Variants in ODAD1 observed in about 807,000 individuals in gnomAD.
ODAD1 encodes the protein outer dynein arm-docking complex subunit 1.
In ODAD1, 49 loss-of-function variants were observed where a neutral mutation model predicts 67.2. The observed-to-expected ratio is 0.73, with a 90% CI of 0.58 to 0.92. ODAD1 has a LOEUF of 0.92. Among genes scored for constraint, ODAD1 ranks in the 40% least tolerant of loss-of-function variants. The pLI is 0.00. For missense variants in ODAD1, 897 were observed against 953.7 expected, an observed-to-expected ratio of 0.94 and a Z score of 0.78; for synonymous variants, 345 against 393.7, an observed-to-expected ratio of 0.88 and a Z score of 1.46.
chr19:48,320,590 T>C (rs895933298), intron 2 of ODAD1, among the ~76,000 whole-genome samples, 182 bp downstream of exon 2: 3 of 152,286 alleles, frequency 2.0e-5, no homozygotes, highest in African/African-American at 7.2e-5. Flanking sequence ...CCTCTCACAC[T>C]CTGGGTCTTG....
chr19:48,317,550 T>C (rs189047034), intron 5 of ODAD1, among the ~76,000 whole-genome samples: 1 of 152,320 alleles, frequency 6.6e-6, no homozygotes, highest in African/African-American at 2.4e-5. Context: ...TTTTGGGGAC[T>C]CTAACATGCG....
rs554590581 is a variant in ODAD1 at position 48,307,570 on chromosome 19, C to T, written c.598-1247G>A. On this transcript the variant is annotated intron_variant, in intron 7 of 15. Transcript: ENST00000674294. ...GTGGTTCACGCCTGTAATCCCAGCA[C>T]TGTGGGAGGCCGAGGTGGGCGGATC... Among the ~76,000 whole-genome samples the T allele has an allele frequency of 2.0e-5, 3 of 152,304 alleles. 1 individual carries two copies. The South Asian group carries it at 6.2e-4, about 32-fold the overall frequency.
At chr19:48,307,631 C>A (rs987825319) in intron 7 of ODAD1, among the ~76,000 whole-genome samples, 1 of 151,762 alleles carries the variant, frequency 6.6e-6, no homozygotes, top group Non-Finnish European at 1.5e-5. Flanking sequence ...CTGGCTAACA[C>A]GGCAAAACCC....
chr19:48,311,441 C>G, intron 7 of ODAD1, 112 bp downstream of exon 7: 1 of 668,130 alleles, frequency 1.5e-6, no homozygotes, highest in South Asian at 1.7e-5. Context: ...GCCTACCGCT[C>G]TAGTCAATCC....
intron 7 of ODAD1, among the ~76,000 whole-genome samples, chr19:48,307,189 G>GAAAA (rs550722862): frequency 8.4e-6 from 1 of 119,424 alleles, no homozygotes; most frequent in Non-Finnish European, 1.8e-5. Flanking sequence ...CATCTCAAAA[G>GAAAA]AAAAAAAAAA....
intron 3 of ODAD1, chr19:48,319,423 A>G: frequency 4.1e-6 from 4 of 985,816 alleles, no homozygotes; most frequent in Non-Finnish European, 4.8e-6. Context: ...AAGTGACCTG[A>G]CCTTACCCAC....
chr19:48,300,656 T>G (rs1170595853), intron 12 of ODAD1, among the ~76,000 whole-genome samples: 4 of 152,122 alleles, frequency 2.6e-5, no homozygotes, highest in Non-Finnish European at 5.9e-5. Flanking sequence ...AAGAACTCCT[T>G]CAACTCAGTT....
intron 12 of ODAD1, among the ~76,000 whole-genome samples, chr19:48,301,777 A>G (rs1968468988): frequency 6.6e-6 from 1 of 151,042 alleles, no homozygotes; most frequent in African/African-American, 2.4e-5. Flanking sequence ...TAGACCCTGC[A>G]TGGATGGATG....
chr19:48,311,709 G>T, intron 6 of ODAD1, 43 bp from the exon 7 acceptor site: 2 of 1,197,238 alleles, frequency 1.7e-6, no homozygotes, highest in Non-Finnish European at 2.4e-6. Flanking sequence ...CTGAAGCCAA[G>T]TCTGCCTGCC....
chr19:48,302,753 G>A lies in ODAD1; in HGVS notation c.1181C>T (p.Ala394Val). ...CTGGAAGCGGGCCTCAAGGCGCTCAGCCTCCGAGTGCACCTTGTCCATGCG... is the reference window on the plus strand; with the variant it reads ...CTGGAAGCGGGCCTCAAGGCGCTCAACCTCCGAGTGCACCTTGTCCATGCG... ...QQRMDKVHSE[A>V]ERLEARFQDV... Residue 394 changes from alanine to valine, a missense_variant, in exon 12 of 16, where the codon GCT becomes GTT. Coordinates refer to ENST00000674294, the MANE Select transcript of ODAD1 (RefSeq NM_001364171.2). 1 of 1,613,580 alleles carries A rather than the reference G, an allele frequency of 6.2e-7. No homozygotes were observed. Among genetic ancestry groups the A allele is most frequent in the Non-Finnish European group, 8.5e-7 (1 of 1,180,030 alleles).
chr19:48,312,057 G>T lies in ODAD1; in HGVS notation c.420C>A (p.Phe140Leu). 3 of 1,549,064 alleles carry T rather than the reference G, an allele frequency of 1.9e-6. No homozygotes were observed. The highest frequency in any genetic ancestry group is 2.6e-6 in the Non-Finnish European group (3 of 1,144,298). ...TGATCTTGACCTTCTGATCCAGGATGAATCCCGGGGACCTGACATTCTTAC... is the reference window on the plus strand; with the variant it reads ...TGATCTTGACCTTCTGATCCAGGATTAATCCCGGGGACCTGACATTCTTAC... ...THSKNVRSPG[F>L]ILDQKVKIRR... The change falls in exon 6 of 16, where the codon TTC (phenylalanine) becomes TTA (leucine). Residue 140 changes from phenylalanine (F) to leucine (L), a missense_variant. By Grantham distance (22) the Phe-to-Leu change is conservative (BLOSUM62 0). Transcript: ENST00000674294.
chr19:48,311,814 G>A, intron 6 of ODAD1, 148 bp from the exon 7 acceptor site: 1 of 787,328 alleles, frequency 1.3e-6, no homozygotes, highest in Non-Finnish European at 2.1e-6. Flanking sequence ...CGAAATCAAT[G>A]TCCACTCCCC....
chr19:48,317,557 T>C (rs909850983), intron 5 of ODAD1, among the ~76,000 whole-genome samples: 2 of 152,188 alleles, frequency 1.3e-5, no homozygotes, highest in African/African-American at 4.8e-5. Context: ...GACTCTAACA[T>C]GCGAACCTTT....
chr19:48,306,365 C>A (rs1388429661), intron 7 of ODAD1, 42 bp from the exon 8 acceptor site: 2 of 1,497,332 alleles, frequency 1.3e-6, no homozygotes, highest in Non-Finnish European at 1.8e-6. Context: ...CTTCTTACAA[C>A]CCCATTGCTC....
intron 12 of ODAD1, among the ~76,000 whole-genome samples, 159 bp from the exon 13 acceptor site, chr19:48,298,499 C>T (rs772898042): frequency 2.0e-5 from 3 of 152,124 alleles, no homozygotes; most frequent in Admixed American, 1.3e-4. Flanking sequence ...GGCAGGGGGA[C>T]GGCACTGCTG....
chr19:48,311,169 T>G (rs1326906708), intron 7 of ODAD1, among the ~76,000 whole-genome samples: 1 of 152,090 alleles, frequency 6.6e-6, no homozygotes, highest in Non-Finnish European at 1.5e-5. Context: ...CCAAGATCAC[T>G]TCACTGTGCT....
At chr19:48,320,485 G>A in intron 2 of ODAD1, 94 bp from the exon 3 acceptor site, 4 of 647,356 alleles carry the variant, frequency 6.2e-6, no homozygotes, top group Non-Finnish European at 2.2e-6. Context: ...GGAATTGAAA[G>A]GGGGTGACCC....
intron 12 of ODAD1, among the ~76,000 whole-genome samples, chr19:48,301,374 G>GT (rs1968458014): frequency 1.3e-5 from 2 of 152,182 alleles, no homozygotes; most frequent in African/African-American, 4.8e-5. Flanking sequence ...TGGATGGATG[G>GT]GTGGATGATG....
rs949711483 is a variant in ODAD1 at position 48,304,235 on chromosome 19, G to A, written c.666-95C>T. The A allele has an allele frequency of 4.9e-5, 64 of 1,301,966 alleles. No homozygotes were observed. In the East Asian group the frequency reaches 1.6e-3, roughly 32 times the overall value. The allele number at this position is 1,301,966 out of a possible 1,614,324, so 80.7% of individuals were successfully genotyped here. ...GCGGGGTCAGCCAGAGGTTGTGGGG[G>A]GTGAGGTGGAGTCAGCTGGTGTCCC... On this transcript the variant is annotated intron_variant, in intron 8 of 15. Transcript: ENST00000674294.
Sources: gnomAD v4.1 joint callset for allele counts (sites outside exome capture counted in the v4.1 genomes callset) on GRCh38, gnomAD v4.1.1 for gene constraint, MANE v1.5 for transcripts, NCBI Gene and HGNC (gene_info 2026-07-23, HGNC 2026-07-21) for gene names.